The following IMPG1 variants were observed in gnomAD, a reference collection of about 807,000 sequenced individuals.
IMPG1 encodes interphotoreceptor matrix proteoglycan 1.
Under a neutral mutation model 92.0 loss-of-function variants are expected in IMPG1, and 85 were observed. The observed-to-expected ratio is 0.92, with a 90% CI of 0.78 to 1.11. The LOEUF (loss-of-function observed/expected upper bound fraction) is 1.11. Ranked by LOEUF, IMPG1 falls within the 50% of genes least tolerant of loss-of-function variation. IMPG1 has a pLI of 0.00. For synonymous variants in IMPG1, 367 were observed against 334.1 expected (o/e 1.10, Z -1.08); for missense variants, 1,022 against 956.0 (o/e 1.07, Z -0.91).
At position 76,042,087 on chromosome 6, in the gene IMPG1, A is replaced by T. The variant is rs1783854245; in HGVS notation, c.107T>A (p.Ile36Lys). 2 of 1,604,624 alleles carry T rather than the reference A, an allele frequency of 1.2e-6. No homozygotes were observed. The highest frequency in any genetic ancestry group is 1.7e-5 in the Admixed American group (1 of 60,010). ...INIYHSETKD[I>K]DNPPRNETTE... ...TGTTTCATTTCTTGGGGGATTGTCT[A>T]TGTCTTTAGTTTCAGAATGGTATAT... Residue 36 changes from isoleucine (I) to lysine (K), a missense_variant, in exon 2 of 17, where the codon ATA becomes AAA. Transcript: ENST00000369950.
intron 2 of IMPG1, among the ~76,000 whole-genome samples, chr6:76,040,444 T>G (rs988788022): frequency 3.3e-5 from 5 of 152,164 alleles, no homozygotes; most frequent in Non-Finnish European, 7.3e-5. Context: ...TTTACCAGGG[T>G]CATTATCTGA....
intron 1 of IMPG1, among the ~76,000 whole-genome samples, chr6:76,045,315 A>G (rs1783918682): frequency 1.3e-5 from 2 of 152,212 alleles, no homozygotes; most frequent in Middle Eastern, 6.8e-3. Flanking sequence ...TTACTTTCTG[A>G]TAACTTTCAC....
At position 76,034,731 on chromosome 6, in the gene IMPG1, T is replaced by C; in HGVS notation, c.358A>G (p.Thr120Ala). ...CTGACCCAGTCCTGATATTCCCCTG[T>C]GTCAGGGATGCGATCCAGAAAGATC... ...YRIFLDRIPDTGEYQDWVSIC... is the reference protein window; with the variant it reads ...YRIFLDRIPDAGEYQDWVSIC... The change falls in exon 3 of 17, where the codon ACA (threonine) becomes GCA (alanine). Residue 120 changes from threonine to alanine, a missense_variant. Physicochemically the swap from Thr to Ala is moderately conservative, Grantham distance 58 (BLOSUM62 0). Around this residue, in one of 3 missense-constraint regions of IMPG1, gnomAD observed 681 missense variants for 583.6 expected, o/e 1.17. Coordinates refer to ENST00000369950, the MANE Select transcript of IMPG1 (RefSeq NM_001563.4). 1 of 1,614,052 alleles carries C rather than the reference T, an allele frequency of 6.2e-7. No homozygotes were observed. Among genetic ancestry groups the C allele is most frequent in the Admixed American group, 1.7e-5 (1 of 60,026 alleles).
chr6:76,049,864 T>C (rs753926210), intron 1 of IMPG1, among the ~76,000 whole-genome samples: 2 of 152,196 alleles, frequency 1.3e-5, no homozygotes, highest in Non-Finnish European at 2.9e-5. Context: ...GGAAAATGGT[T>C]GGCACCGAAG....
At chr6:76,064,348 C>T (rs1314269657) in intron 1 of IMPG1, among the ~76,000 whole-genome samples, 1 of 147,440 alleles carries the variant, frequency 6.8e-6, no homozygotes, top group East Asian at 2.0e-4. Flanking sequence ...AGTGGAGAGC[C>T]ATGGGGCAAC....
intron 14 of IMPG1, 45 bp from the exon 15 acceptor site, chr6:75,931,196 G>A: frequency 6.5e-7 from 1 of 1,544,380 alleles, no homozygotes; most frequent in Non-Finnish European, 8.8e-7. Context: ...GAATAGCTAA[G>A]CAATGGAACT....
intron 1 of IMPG1, among the ~76,000 whole-genome samples, chr6:76,056,513 A>G (rs1204076856): frequency 6.6e-6 from 1 of 152,168 alleles, no homozygotes; most frequent in African/African-American, 2.4e-5. Context: ...ACAGATATCT[A>G]TGGGGTGCTT....
At chr6:75,968,818 G>A (rs1020831876) in intron 12 of IMPG1, among the ~76,000 whole-genome samples, 2 of 151,924 alleles carry the variant, frequency 1.3e-5, no homozygotes, top group Non-Finnish European at 1.5e-5. Flanking sequence ...CAGCCCAAAG[G>A]CCCTCAACCA....
intron 14 of IMPG1, among the ~76,000 whole-genome samples, chr6:75,945,924 G>C (rs1781920345): frequency 6.6e-6 from 1 of 152,174 alleles, no homozygotes; most frequent in Non-Finnish European, 1.5e-5. Context: ...TGACCTTCTT[G>C]TGCTGGTGGA....
intron 5 of IMPG1, chr6:76,024,944 A>C (rs964691017): frequency 1.8e-6 from 1 of 549,930 alleles, no homozygotes; most frequent in Non-Finnish European, 3.5e-6. Context: ...GAAAATAGGC[A>C]GTAAATGTTC....
At chr6:76,054,932 A>G (rs1287362905) in intron 1 of IMPG1, among the ~76,000 whole-genome samples, 1 of 152,148 alleles carries the variant, frequency 6.6e-6, no homozygotes, top group Non-Finnish European at 1.5e-5. Flanking sequence ...AATATATAAT[A>G]CAAAGGTTGA....
chr6:75,974,189 C>T (rs1321323095), intron 12 of IMPG1, among the ~76,000 whole-genome samples: 1 of 152,144 alleles, frequency 6.6e-6, no homozygotes, highest in Non-Finnish European at 1.5e-5. Context: ...ATTTTTTACT[C>T]TATAAAAGGC....
chr6:75,944,443 A>G (rs540538414), intron 14 of IMPG1, among the ~76,000 whole-genome samples: 59 of 152,214 alleles, frequency 3.9e-4, no homozygotes, highest in Admixed American at 7.2e-4. Context: ...TCCATATTTG[A>G]CTTACTAATT....
At chr6:75,931,815 T>C (rs1781673739) in intron 14 of IMPG1, among the ~76,000 whole-genome samples, 2 of 152,242 alleles carry the variant, frequency 1.3e-5, no homozygotes, top group Admixed American at 6.5e-5. Flanking sequence ...TTCTATAGGG[T>C]TGTCTCCAAT....
chr6:75,963,545 T>C (rs763789117), intron 12 of IMPG1, among the ~76,000 whole-genome samples: 2 of 152,210 alleles, frequency 1.3e-5, no homozygotes, highest in Non-Finnish European at 2.9e-5. Flanking sequence ...AGTTAGACGC[T>C]CCAAAAGTCT....
At chr6:75,938,146 C>T (rs1165779651) in intron 14 of IMPG1, among the ~76,000 whole-genome samples, 1 of 152,186 alleles carries the variant, frequency 6.6e-6, no homozygotes, top group Non-Finnish European at 1.5e-5. Context: ...AATGGCACAC[C>T]TAGTGCAGTA....
Position 75,993,991 on chromosome 6 carries a change from C to G in IMPG1, c.1291+8927G>C, listed in dbSNP as rs1255371276. On this transcript the variant is annotated intron_variant, in intron 12 of 16. Transcript: ENST00000369950. ...GCTCTGTGGCATGGTGCAAGCCTCT[C>G]CTCCTGGCCTGAGCTGCTGTGTGCT... Among the ~76,000 whole-genome samples, 3 of 152,170 alleles carry G rather than the reference C, an allele frequency of 2.0e-5. No homozygotes were observed. The South Asian group carries it at 6.2e-4, about 32-fold the overall frequency.
intron 12 of IMPG1, among the ~76,000 whole-genome samples, chr6:76,001,722 T>G (rs977616624): frequency 1.3e-5 from 2 of 152,210 alleles, no homozygotes; most frequent in African/African-American, 2.4e-5. Context: ...TGACACAACA[T>G]GGAGCAGAGA....
chr6:76,037,832 C>A (rs1456688925), intron 2 of IMPG1, among the ~76,000 whole-genome samples: 1 of 152,204 alleles, frequency 6.6e-6, no homozygotes, highest in African/African-American at 2.4e-5. Context: ...CTTTCATGGA[C>A]AATATCTGTG....
Sources: gnomAD v4.1 joint callset for allele counts (sites outside exome capture counted in the v4.1 genomes callset) on GRCh38, gnomAD v4.1.1 for gene constraint, gnomAD v4.1.1 regional missense constraint, MANE v1.5 for transcripts, NCBI Gene and HGNC (gene_info 2026-07-23, HGNC 2026-07-21) for gene names.